Variants in IL19 observed in about 807,000 individuals in gnomAD.
The protein encoded by IL19 is interleukin 19.
In IL19, 15 loss-of-function variants were observed where a neutral mutation model predicts 19.5. The observed-to-expected ratio is 0.77, with a 90% CI of 0.52 to 1.19. The LOEUF (loss-of-function observed/expected upper bound fraction) is 1.19, where lower values mean the gene tolerates loss of function less well. Ranked by LOEUF, IL19 falls within the 50% of genes most tolerant of loss-of-function variation. IL19 has a pLI of 0.00. For synonymous variants in IL19, 78 were observed against 78.3 expected, an observed-to-expected ratio of 1.00 and a Z score of 0.02; for missense variants, 199 against 213.1, an observed-to-expected ratio of 0.93 and a Z score of 0.41.
intron 2 of IL19, among the ~76,000 whole-genome samples, chr1:206,814,387 TG>T (rs1191940401): frequency 6.6e-6 from 1 of 150,732 alleles, no homozygotes; most frequent in Non-Finnish European, 1.5e-5. Context: ...CAGAGGATAA[TG>T]GAGGGAATCA....
chr1:206,800,772 G>A (rs534171498), intron 2 of IL19, among the ~76,000 whole-genome samples: 53 of 152,348 alleles, frequency 3.5e-4, no homozygotes, highest in Non-Finnish European at 6.0e-4. Flanking sequence ...ATGGGGAAAA[G>A]AATGGGGAGA....
At chr1:206,837,427 T>C (rs564958462) in intron 4 of IL19, among the ~76,000 whole-genome samples, 1 of 152,076 alleles carries the variant, frequency 6.6e-6, no homozygotes, top group African/African-American at 2.4e-5. Flanking sequence ...TCAGTGAAGG[T>C]CGGACATAGA....
chr1:206,802,887 A>G (rs1675750444), intron 2 of IL19, among the ~76,000 whole-genome samples: 1 of 152,228 alleles, frequency 6.6e-6, no homozygotes, highest in Non-Finnish European at 1.5e-5. Context: ...AAGGAAGACG[A>G]GGGGACAGGA....
chr1:206,782,331 C>T (rs959462031), intron 1 of IL19, among the ~76,000 whole-genome samples: 7 of 152,096 alleles, frequency 4.6e-5, no homozygotes, highest in Middle Eastern at 3.4e-3. Context: ...TGTAATATGC[C>T]GTTTTAGTTG....
At chr1:206,825,568 C>T (rs1676418820) in intron 2 of IL19, among the ~76,000 whole-genome samples, 1 of 152,214 alleles carries the variant, frequency 6.6e-6, no homozygotes, top group Non-Finnish European at 1.5e-5. Context: ...CCTTCTGAAT[C>T]TAGTTATGTT....
intron 2 of IL19, among the ~76,000 whole-genome samples, chr1:206,829,827 AC>A (rs1466035916): frequency 6.6e-6 from 1 of 152,114 alleles, no homozygotes; most frequent in Non-Finnish European, 1.5e-5. Flanking sequence ...AAGATGTGTC[AC>A]CCAGGGTCTG....
chr1:206,828,904 A>G (rs1676509756), intron 2 of IL19: 1 of 152,144 alleles, frequency 6.6e-6, no homozygotes, highest in African/African-American at 2.4e-5. Context: ...AAATTATAGC[A>G]GACTGCAGTC....
Position 206,839,842 on chromosome 1 carries a change from G to A in IL19, c.211-8G>A, listed in dbSNP as rs760693448. The A allele has an allele frequency of 1.2e-6, 2 of 1,605,488 alleles. No individual in the cohort carries two copies. The highest frequency in any genetic ancestry group is 1.7e-6 in the Non-Finnish European group (2 of 1,175,472). On this transcript the variant is annotated splice_region_variant and splice_polypyrimidine_tract_variant and intron_variant, in intron 4 of 6. Coordinates refer to ENST00000659997, the MANE Select transcript of IL19 (RefSeq NM_153758.5). ...GGCCTCTAGTGTTTCCCTAATTTGT[G>A]TTTGTAGCCCTTAGATGTGTGCTGC...
At chr1:206,777,095 G>A (rs886754143) in intron 1 of IL19, among the ~76,000 whole-genome samples, 2 of 151,834 alleles carry the variant, frequency 1.3e-5, no homozygotes, top group Non-Finnish European at 2.9e-5. Flanking sequence ...GCTGGGCGTG[G>A]TGGCAGGTGC....
In IL19 at chr1:206,836,728, C is replaced by T. The variant is rs757700716; in HGVS notation, c.66C>T (p.Asn22=). ...TACTGATATTGTGCTCAGTAGACAA[C>T]CACGGTCTCAGGAGATGTCTGATTT... The part of the protein sequence containing the change: ...GTILILCSVD[N]HGLRRCLIST... The change falls in exon 3 of 7, where the codon AAC becomes AAT. Residue 22 remains asparagine, a synonymous_variant. Transcript: ENST00000659997. 6.2e-6 allele frequency: 10 copies of T among 1,613,650 alleles called. No homozygotes were observed. The highest frequency in any genetic ancestry group is 1.1e-5 in the South Asian group (1 of 91,076).
At chr1:206,798,326 A>C (rs1030636852) in intron 1 of IL19, among the ~76,000 whole-genome samples, 2 of 152,150 alleles carry the variant, frequency 1.3e-5, no homozygotes, top group African/African-American at 4.8e-5. Flanking sequence ...ACTACAGCCC[A>C]GGCATCCCCT....
chr1:206,826,011 C>A (rs566433644), intron 2 of IL19, among the ~76,000 whole-genome samples: 3 of 152,320 alleles, frequency 2.0e-5, no homozygotes, highest in Admixed American at 6.5e-5. Context: ...CTGTTATACA[C>A]CCTCTGCTTG....
intron 2 of IL19, among the ~76,000 whole-genome samples, chr1:206,832,972 T>A (rs1294601428): frequency 2.0e-5 from 3 of 152,218 alleles, no homozygotes; most frequent in Non-Finnish European, 2.9e-5. Flanking sequence ...GTCTCCCAAA[T>A]CTGGCTGCAG....
chr1:206,823,232 T>A (rs904393244), intron 2 of IL19, among the ~76,000 whole-genome samples: 12 of 152,108 alleles, frequency 7.9e-5, no homozygotes, highest in African/African-American at 2.6e-4. Context: ...GCCTAAACAT[T>A]TTTTTTCTAG....
intron 1 of IL19, 33 bp from the exon 2 acceptor site, chr1:206,798,828 T>C (rs1675596941): frequency 8.2e-7 from 1 of 1,217,438 alleles, no homozygotes; most frequent in African/African-American, 1.5e-5. Context: ...TGTACCTTTT[T>C]GTAATGATGA....
chr1:206,779,911 A>G (rs1675092907), intron 1 of IL19, among the ~76,000 whole-genome samples: 1 of 141,722 alleles, frequency 7.1e-6, no homozygotes, highest in Non-Finnish European at 1.5e-5. Context: ...CTGTTTTTGA[A>G]CTCCTAGGCT....
intron 6 of IL19, among the ~76,000 whole-genome samples, chr1:206,841,725 G>C (rs1677025430): frequency 6.6e-6 from 1 of 152,194 alleles, no homozygotes; most frequent in Non-Finnish European, 1.5e-5. Flanking sequence ...GACTCTGTAA[G>C]ATAATGTTAT....
At chr1:206,829,723 G>C (rs941154128) in intron 2 of IL19, among the ~76,000 whole-genome samples, 2 of 152,110 alleles carry the variant, frequency 1.3e-5, no homozygotes, top group African/African-American at 4.8e-5. Context: ...AGAGGAATGG[G>C]GAGGCATCAG....
chr1:206,796,592 T>C (rs1675528444), intron 1 of IL19, among the ~76,000 whole-genome samples: 1 of 152,154 alleles, frequency 6.6e-6, no homozygotes, highest in Non-Finnish European at 1.5e-5. Flanking sequence ...ACCTTTTCTA[T>C]GTTTAGATAT....
Sources: allele counts gnomAD v4.1 joint callset (sites outside exome capture counted in the v4.1 genomes callset), GRCh38; gene constraint gnomAD v4.1.1; transcripts MANE v1.5; gene names NCBI Gene and HGNC (gene_info 2026-07-23, HGNC 2026-07-21).